RALGAPA2: variants seen among roughly 807,000 people sequenced by gnomAD.
RALGAPA2 encodes Ral GTPase activating protein catalytic subunit alpha 2.
Under a neutral mutation model 230.4 loss-of-function variants are expected in RALGAPA2, and 139 were observed. The observed-to-expected ratio is 0.60, with a 90% confidence interval of 0.53 to 0.69. The LOEUF is 0.69. RALGAPA2 is among the 30% of genes least tolerant of loss of function. The pLI is 0.00. For synonymous variants in RALGAPA2, 847 were observed against 837.8 expected (o/e 1.01, Z -0.19); for missense variants, 2,163 against 2,276.0 (o/e 0.95, Z 1.01).
intron 14 of RALGAPA2, among the ~76,000 whole-genome samples, chr20:20,608,099 T>TA (rs1488207223): frequency 1.3e-5 from 2 of 152,140 alleles, no homozygotes; most frequent in Non-Finnish European, 2.9e-5. Flanking sequence ...AAGAAGTGCA[T>TA]AAGAGCTTCT....
At chr20:20,706,643 C>T (rs187207469) in intron 1 of RALGAPA2, among the ~76,000 whole-genome samples, 191 of 152,140 alleles carry the variant, frequency 1.3e-3, no homozygotes, top group Non-Finnish European at 1.5e-3. Context: ...AAAAATGGAC[C>T]AGAAAGAGAG....
At chr20:20,574,889 T>C (rs1158002166) in intron 20 of RALGAPA2, among the ~76,000 whole-genome samples, 1 of 152,202 alleles carries the variant, frequency 6.6e-6, no homozygotes, top group Non-Finnish European at 1.5e-5. Flanking sequence ...TCATGTGTCA[T>C]AGCCTCAGCC....
intron 23 of RALGAPA2, among the ~76,000 whole-genome samples, chr20:20,566,072 T>C (rs1433526583): frequency 1.3e-5 from 2 of 152,178 alleles, no homozygotes; most frequent in Non-Finnish European, 2.9e-5. Flanking sequence ...TGTCTGCTCA[T>C]CTCAACAGTG....
chr20:20,551,717 A>G (rs1374828649), intron 23 of RALGAPA2, among the ~76,000 whole-genome samples: 3 of 152,230 alleles, frequency 2.0e-5, no homozygotes, highest in Non-Finnish European at 4.4e-5. Context: ...ACCATAAGTG[A>G]TAAGAAAAAC....
In RALGAPA2 at chr20:20,629,082, T is replaced by C. The variant is rs949252243; in HGVS notation, c.1233+281A>G. 3.3e-5 allele frequency among the ~76,000 whole-genome samples: 5 copies of C among 152,172 alleles called. No homozygotes were observed. In the South Asian group the frequency reaches 6.2e-4, roughly 19 times the overall value. On this transcript the variant is annotated intron_variant, in intron 10 of 39. Transcript: ENST00000202677. ...ACCTAACTCTGGGTTTACTTTGTTA[T>C]AAAAACATGAAAGTATTTGTCTCAT...
At chr20:20,415,058 A>C (rs1298139765) in intron 37 of RALGAPA2, among the ~76,000 whole-genome samples, 1 of 152,238 alleles carries the variant, frequency 6.6e-6, no homozygotes, top group Non-Finnish European at 1.5e-5. Flanking sequence ...GCCAAAAATC[A>C]TTTCTTTTAG....
chr20:20,431,045 G>A (rs1388332995), intron 37 of RALGAPA2, among the ~76,000 whole-genome samples: 1 of 152,102 alleles, frequency 6.6e-6, no homozygotes, highest in Non-Finnish European at 1.5e-5. Context: ...AGAAGGAAAT[G>A]GCTATACCCT....
At chr20:20,530,660 T>C (rs2063345644) in intron 27 of RALGAPA2, among the ~76,000 whole-genome samples, 1 of 152,186 alleles carries the variant, frequency 6.6e-6, no homozygotes, top group African/African-American at 2.4e-5. Context: ...GTTGCTATTA[T>C]AGCTGCATGT....
chr20:20,422,873 A>C (rs916454663), intron 37 of RALGAPA2, among the ~76,000 whole-genome samples: 1 of 152,206 alleles, frequency 6.6e-6, no homozygotes, highest in Non-Finnish European at 1.5e-5. Context: ...AGCTCTAGGA[A>C]GCTGGTGGGT....
chr20:20,560,691 G>A (rs527515408), intron 23 of RALGAPA2, among the ~76,000 whole-genome samples: 8 of 152,300 alleles, frequency 5.3e-5, no homozygotes, highest in African/African-American at 1.9e-4. Flanking sequence ...CCAAATGGGA[G>A]TTAATGTATC....
intron 37 of RALGAPA2, among the ~76,000 whole-genome samples, chr20:20,428,939 A>T (rs1336034835): frequency 6.6e-6 from 1 of 152,094 alleles, no homozygotes; most frequent in Non-Finnish European, 1.5e-5. Flanking sequence ...ATTATAGTAT[A>T]TTGGAGGATT....
chr20:20,639,671 C>T (rs865999715), intron 7 of RALGAPA2, 114 bp downstream of exon 7: 2 of 757,764 alleles, frequency 2.6e-6, no homozygotes, highest in Middle Eastern at 3.6e-4. Flanking sequence ...CATAAAATCA[C>T]CTCAAAGAAA....
intron 16 of RALGAPA2, among the ~76,000 whole-genome samples, chr20:20,600,106 C>T (rs950935330): frequency 5.0e-4 from 76 of 151,940 alleles, no homozygotes; most frequent in African/African-American, 1.8e-3. Context: ...AACAGTCTGG[C>T]CAACATGGCG....
chr20:20,658,401 A>G (rs731866), intron 3 of RALGAPA2, among the ~76,000 whole-genome samples: 12,982 of 152,252 alleles, frequency 0.085, 819 homozygotes, highest in African/African-American at 0.17. Flanking sequence ...CTTTACTGGG[A>G]CAAATACAAT....
intron 36 of RALGAPA2, among the ~76,000 whole-genome samples, chr20:20,489,937 A>G (rs530570194): frequency 6.6e-6 from 1 of 152,270 alleles, no homozygotes; most frequent in Non-Finnish European, 1.5e-5. Flanking sequence ...GGCTGGCCAA[A>G]GGAGAGAAGA....
chr20:20,394,412 C>T (rs769475710), intron 39 of RALGAPA2, among the ~76,000 whole-genome samples: 15 of 152,106 alleles, frequency 9.9e-5, no homozygotes, highest in Non-Finnish European at 1.5e-4. Context: ...GCGCGGTGGG[C>T]GGATCGCTTC....
intron 31 of RALGAPA2, among the ~76,000 whole-genome samples, chr20:20,515,919 G>T (rs2062857430): frequency 6.6e-6 from 1 of 152,186 alleles, no homozygotes; most frequent in South Asian, 2.1e-4. Flanking sequence ...CTACCCGAAA[G>T]CCAGGTGGGA....
Position 20,503,515 on chromosome 20 carries a change from G to A in RALGAPA2, c.5053-9C>T, listed in dbSNP as rs918233023. 6.5e-7 allele frequency: 1 copy of A among 1,541,258 alleles called. No individual in the cohort carries two copies. Among genetic ancestry groups the A allele is most frequent in the Non-Finnish European group, 8.7e-7 (1 of 1,144,050 alleles). On this transcript the variant is annotated splice_polypyrimidine_tract_variant and intron_variant, in intron 34 of 39. Coordinates refer to ENST00000202677, the MANE Select transcript of RALGAPA2 (RefSeq NM_020343.4). ...TGGGTGGAGAGATCCACCTGACAAA[G>A]GTCACAAAGAAGAAAGAGTGAGGAT... is the stretch of plus-strand genomic sequence containing the variant.
chr20:20,614,008 C>T (rs530978754), intron 13 of RALGAPA2, among the ~76,000 whole-genome samples: 1 of 152,262 alleles, frequency 6.6e-6, no homozygotes, highest in Non-Finnish European at 1.5e-5. Flanking sequence ...ACCTTGTCTA[C>T]ATAGTTCGCC....
Sources: allele counts gnomAD v4.1 joint callset (sites outside exome capture counted in the v4.1 genomes callset), GRCh38; gene constraint gnomAD v4.1.1; transcripts MANE v1.5; gene names NCBI Gene and HGNC (gene_info 2026-07-23, HGNC 2026-07-21).